GRM8: variants seen among roughly 807,000 people sequenced by gnomAD.
The protein encoded by GRM8 is glutamate metabotropic receptor 8.
GRM8 carries 47 observed loss-of-function variants against 87.2 expected under a neutral mutation model. The ratio of observed to expected loss-of-function variants is 0.54; its 90% CI spans 0.43 to 0.69. GRM8 has a LOEUF of 0.69. Among genes scored for constraint, GRM8 ranks in the 30% least tolerant of loss-of-function variants. The probability of loss-of-function intolerance (pLI) is 0.00; values close to 1 mark genes in which losing one functional copy is unlikely to be tolerated. For missense variants in GRM8, 1,019 were observed against 1,139.2 expected (o/e 0.89, Z 1.52); for synonymous variants, 396 against 404.5 (o/e 0.98, Z 0.25).
intron 7 of GRM8, among the ~76,000 whole-genome samples, chr7:126,650,116 C>T (rs1179264137): frequency 6.6e-6 from 1 of 152,194 alleles, no homozygotes; most frequent in African/African-American, 2.4e-5. Context: ...ACTTGAACTG[C>T]CTATCATGAA....
At chr7:127,096,149 C>T (rs1197035509) in intron 3 of GRM8, among the ~76,000 whole-genome samples, 1 of 152,120 alleles carries the variant, frequency 6.6e-6, no homozygotes, top group East Asian at 1.9e-4. Flanking sequence ...AATGGGCTGC[C>T]CTTAATTGAG....
chr7:126,798,070 A>G (rs556690649), intron 6 of GRM8, among the ~76,000 whole-genome samples: 13 of 152,216 alleles, frequency 8.5e-5, no homozygotes, highest in African/African-American at 3.1e-4. Flanking sequence ...ATTCTGCACT[A>G]AAGAAAGTCT....
chr7:127,150,565 T>C (rs1587140467), intron 2 of GRM8, among the ~76,000 whole-genome samples: 2 of 152,210 alleles, frequency 1.3e-5, no homozygotes, highest in African/African-American at 4.8e-5. Flanking sequence ...ACCTACCTCA[T>C]TGACAACGAC....
chr7:126,911,178 A>G (rs1803251526), intron 3 of GRM8, among the ~76,000 whole-genome samples: 1 of 152,204 alleles, frequency 6.6e-6, no homozygotes, highest in Non-Finnish European at 1.5e-5. Context: ...GTGTAATATT[A>G]TCAAACATCC....
intron 3 of GRM8, among the ~76,000 whole-genome samples, chr7:127,047,110 G>A (rs543194873): frequency 2.0e-4 from 31 of 152,124 alleles, no homozygotes; most frequent in Non-Finnish European, 2.9e-4. Flanking sequence ...TACAGCCTAC[G>A]CAACCTGTTT....
chr7:126,599,595 A>G (rs57103947), intron 8 of GRM8, among the ~76,000 whole-genome samples: 3,721 of 152,192 alleles, frequency 0.024, 142 homozygotes, highest in African/African-American at 0.085. Context: ...TGCATCTATC[A>G]GGCATCTAAC....
intron 9 of GRM8, among the ~76,000 whole-genome samples, chr7:126,454,561 T>C (rs2237729): frequency 0.57 from 85,435 of 151,090 alleles, 24,398 homozygotes; most frequent in Middle Eastern, 0.74. Flanking sequence ...AAAAATGGTG[T>C]TATGGGCTGA....
chr7:126,778,535 T>A (rs1373219419), intron 6 of GRM8, among the ~76,000 whole-genome samples: 2 of 152,174 alleles, frequency 1.3e-5, no homozygotes, highest in East Asian at 3.8e-4. Flanking sequence ...TATCCCTAAG[T>A]CCCTGAACAA....
At chr7:126,506,023 C>G (rs535651822) in intron 9 of GRM8, among the ~76,000 whole-genome samples, 32 of 152,138 alleles carry the variant, frequency 2.1e-4, no homozygotes, top group Admixed American at 2.0e-3. Flanking sequence ...TGTCAACCAC[C>G]ATGCTACTCT....
intron 3 of GRM8, among the ~76,000 whole-genome samples, chr7:127,049,854 A>G (rs954184184): frequency 6.6e-6 from 1 of 152,108 alleles, no homozygotes; most frequent in Non-Finnish European, 1.5e-5. Context: ...AGAACTTCTC[A>G]AGGAAAGAGA....
At chr7:127,205,121 G>A (rs547943006) in intron 2 of GRM8, among the ~76,000 whole-genome samples, 11 of 152,304 alleles carry the variant, frequency 7.2e-5, no homozygotes, top group East Asian at 5.8e-4. Flanking sequence ...TCTATTTTAC[G>A]TGGTACTCTT....
In GRM8 at chr7:127,221,697, T is replaced by C. The variant is rs185207758; in HGVS notation, c.510+20998A>G. 8.1e-4 allele frequency among the ~76,000 whole-genome samples: 124 copies of C among 152,352 alleles called. 4 individuals carry two copies. The highest frequency in any genetic ancestry group is 8.0e-3 in the Admixed American group (122 of 15,314). ...TATTCAGCTCTGCTTCTAGGGAATC[T>C]AACCTGACACTGGGGTTCTCTCTGA... is the stretch of plus-strand genomic sequence containing the variant. On this transcript the variant is annotated intron_variant, in intron 2 of 10. Coordinates refer to ENST00000339582, the MANE Select transcript of GRM8 (RefSeq NM_000845.3).
intron 3 of GRM8, among the ~76,000 whole-genome samples, chr7:127,067,528 G>C (rs1040025682): frequency 1.3e-5 from 2 of 152,056 alleles, no homozygotes; most frequent in African/African-American, 4.8e-5. Flanking sequence ...CTTGATTTCC[G>C]AAACTATCTG....
chr7:127,194,037 C>T (rs1253272073), intron 2 of GRM8, among the ~76,000 whole-genome samples: 1 of 152,208 alleles, frequency 6.6e-6, no homozygotes, highest in Non-Finnish European at 1.5e-5. Flanking sequence ...AAGCAAGACC[C>T]TCATTTACCA....
chr7:127,007,931 A>G (rs1814477542), intron 3 of GRM8, among the ~76,000 whole-genome samples: 1 of 152,010 alleles, frequency 6.6e-6, no homozygotes. Flanking sequence ...AAAACACTGT[A>G]TTTATACCTA....
intron 6 of GRM8, among the ~76,000 whole-genome samples, chr7:126,821,517 C>G (rs1187816056): frequency 6.6e-6 from 1 of 152,198 alleles, no homozygotes; most frequent in Non-Finnish European, 1.5e-5. Flanking sequence ...AGCATGGTCC[C>G]TGGCATATGA....
chr7:126,681,647 A>C (rs1360201164), intron 7 of GRM8, among the ~76,000 whole-genome samples: 4 of 152,236 alleles, frequency 2.6e-5, no homozygotes, highest in African/African-American at 9.6e-5. Flanking sequence ...ACTTTGTCTC[A>C]TTCCCAAGTA....
chr7:127,028,781 C>T (rs1267765337), intron 3 of GRM8, among the ~76,000 whole-genome samples: 1 of 151,964 alleles, frequency 6.6e-6, no homozygotes, highest in Non-Finnish European at 1.5e-5. Context: ...CAAAAACCCA[C>T]CTCCTGGATT....
intron 6 of GRM8, among the ~76,000 whole-genome samples, chr7:126,876,822 T>C (rs568165894): frequency 3.9e-5 from 6 of 152,280 alleles, no homozygotes; most frequent in Admixed American, 3.9e-4. Context: ...CACCTGGCAT[T>C]GAAACTACCT....
Sources: gnomAD v4.1 joint callset for allele counts (sites outside exome capture counted in the v4.1 genomes callset) on GRCh38, gnomAD v4.1.1 for gene constraint, MANE v1.5 for transcripts, NCBI Gene and HGNC (gene_info 2026-07-23, HGNC 2026-07-21) for gene names.